Variants in SLC35D4 observed in about 807,000 individuals in gnomAD.
The protein encoded by SLC35D4 is solute carrier family 35 member D4.
the SLC35D4 span, among the ~76,000 whole-genome samples, chr18:23,391,321 A>G: frequency 6.6e-6 from 1 of 152,108 alleles, no homozygotes; most frequent in Non-Finnish European, 1.5e-5. Flanking sequence ...CCAGAGACGC[A>G]TGGATTTTAC....
chr18:23,371,105 CT>C, the SLC35D4 span, among the ~76,000 whole-genome samples: 57 of 82,814 alleles, frequency 6.9e-4, 1 homozygote, highest in Non-Finnish European at 2.0e-4. Flanking sequence ...CTCTCTCTTT[CT>C]TTTTTTTTGA....
the SLC35D4 span, among the ~76,000 whole-genome samples, chr18:23,287,071 G>T: frequency 6.6e-6 from 1 of 151,668 alleles, no homozygotes. Flanking sequence ...GCTTTGAAAG[G>T]ATTAAAGCCT....
the SLC35D4 span, among the ~76,000 whole-genome samples, chr18:23,366,192 G>C: frequency 1.3e-5 from 2 of 152,164 alleles, no homozygotes; most frequent in Non-Finnish European, 2.9e-5. Flanking sequence ...TGCCACAGAG[G>C]GGAAAGGATG....
the SLC35D4 span, among the ~76,000 whole-genome samples, chr18:23,384,004 G>C: frequency 2.2e-5 from 3 of 137,696 alleles, no homozygotes; most frequent in East Asian, 2.4e-4. Flanking sequence ...CAAAAATTGG[G>C]GGGGGGGGGT....
chr18:23,251,082 G>A, the SLC35D4 span, among the ~76,000 whole-genome samples: 1 of 152,210 alleles, frequency 6.6e-6, no homozygotes, highest in African/African-American at 2.4e-5. Flanking sequence ...GGGCTTTGCG[G>A]GCATGAGTCA....
the SLC35D4 span, among the ~76,000 whole-genome samples, chr18:23,412,165 C>T: frequency 2.6e-5 from 4 of 151,704 alleles, no homozygotes; most frequent in Non-Finnish European, 2.9e-5. Context: ...ACTAAAAATA[C>T]GAAATTAGCC....
At chr18:23,265,899 A>G in the SLC35D4 span, among the ~76,000 whole-genome samples, 1 of 152,134 alleles carries the variant, frequency 6.6e-6, no homozygotes, top group East Asian at 1.9e-4. Flanking sequence ...AAGCATACAT[A>G]CTGTTCTATG....
the SLC35D4 span, among the ~76,000 whole-genome samples, chr18:23,264,353 CTTTTTTTTTTTTTTT>C: frequency 7.1e-5 from 4 of 56,068 alleles, no homozygotes; most frequent in African/African-American, 1.6e-4. Flanking sequence ...CACTTTATTC[CTTTTTTTTTTTTTTT>C]TTTTTTTTTT....
chr18:23,272,256 C>A, the SLC35D4 span, among the ~76,000 whole-genome samples: 2 of 152,144 alleles, frequency 1.3e-5, no homozygotes, highest in Non-Finnish European at 2.9e-5. Flanking sequence ...GCTGTGGAGG[C>A]AACAGGTCCC....
chr18:23,251,247 GT>G, the SLC35D4 span, among the ~76,000 whole-genome samples: 1 of 152,194 alleles, frequency 6.6e-6, no homozygotes, highest in Non-Finnish European at 1.5e-5. Context: ...GAAGTCAGGA[GT>G]TCAAGAGGAG....
chr18:23,356,619 T>C, the SLC35D4 span: 1 of 1,614,166 alleles, frequency 6.2e-7, no homozygotes. The surrounding 1 kb of genome is among the most constrained non-coding windows in gnomAD (Gnocchi z 4.1). Context: ...CCATGGAATC[T>C]GTAGAAGTAC....
chr18:23,264,969 G>A, the SLC35D4 span, among the ~76,000 whole-genome samples: 7 of 152,166 alleles, frequency 4.6e-5, no homozygotes, highest in South Asian at 2.1e-4. Context: ...ACCAGATCTC[G>A]TGAGGATTCA....
At chr18:23,305,784 T>A in the SLC35D4 span, among the ~76,000 whole-genome samples, 1 of 152,190 alleles carries the variant, frequency 6.6e-6, no homozygotes, top group Non-Finnish European at 1.5e-5. Flanking sequence ...TTCATTTCTG[T>A]CCATCTAGGA....
chr18:23,389,883 T>C, the SLC35D4 span, among the ~76,000 whole-genome samples: 1 of 152,182 alleles, frequency 6.6e-6, no homozygotes, highest in Non-Finnish European at 1.5e-5. Flanking sequence ...CCTCTAACTC[T>C]GTACAATTCC....
the SLC35D4 span, chr18:23,254,080 A>G: frequency 3.0e-6 from 2 of 671,182 alleles, no homozygotes; most frequent in Non-Finnish European, 5.2e-6. Context: ...AGTCTTTCCC[A>G]TAGTGGGAAT....
At chr18:23,382,829 C>T in the SLC35D4 span, among the ~76,000 whole-genome samples, 2 of 152,224 alleles carry the variant, frequency 1.3e-5, no homozygotes, top group African/African-American at 4.8e-5. Context: ...ACTGTCTAAG[C>T]CCAGGGCTGC....
At chr18:23,358,802 G>C in the SLC35D4 span, among the ~76,000 whole-genome samples, 1 of 152,162 alleles carries the variant, frequency 6.6e-6, no homozygotes, top group African/African-American at 2.4e-5. Context: ...CTAGTTTCCA[G>C]CTGGCTCTGT....
chr18:23,437,635 C>A, the SLC35D4 span: 13 of 787,196 alleles, frequency 1.7e-5, 1 homozygote, highest in Middle Eastern at 2.7e-4. Context: ...AAGAGCATCC[C>A]ACACACGGAG....
the SLC35D4 span, among the ~76,000 whole-genome samples, chr18:23,360,121 T>C: frequency 6.6e-6 from 1 of 152,256 alleles, no homozygotes; most frequent in South Asian, 2.1e-4. Context: ...ACACACCCTC[T>C]AGAAGAGTTA....
Sources: allele counts gnomAD v4.1 joint callset (sites outside exome capture counted in the v4.1 genomes callset), GRCh38; gene constraint gnomAD v4.1.1; non-coding constraint Gnocchi (gnomAD v3.1); transcripts MANE v1.5; gene names NCBI Gene and HGNC (gene_info 2026-07-23, HGNC 2026-07-21).